Variants in ABLIM1 observed in about 807,000 individuals in gnomAD.
ABLIM1 encodes the protein actin-binding LIM protein 1.
ABLIM1 carries 40 observed loss-of-function variants against 107.0 expected under a neutral mutation model. The observed-to-expected ratio is 0.37, with a 90% CI of 0.29 to 0.49. The LOEUF is 0.49. Ranked by LOEUF, ABLIM1 falls within the 20% of genes least tolerant of loss-of-function variation. The probability of loss-of-function intolerance (pLI) is 0.97; values close to 1 mark genes in which losing one functional copy is unlikely to be tolerated. For synonymous variants in ABLIM1, 357 were observed against 357.3 expected, an observed-to-expected ratio of 1.00 and a Z score of 0.01; for missense variants, 857 against 1,008.5, an observed-to-expected ratio of 0.85 and a Z score of 2.04.
intron 2 of ABLIM1, among the ~76,000 whole-genome samples, chr10:114,585,801 G>A (rs2074122903): frequency 6.6e-6 from 1 of 152,038 alleles, no homozygotes; most frequent in Admixed American, 6.6e-5. Context: ...AGTCCCCCAG[G>A]CCTCTGCATC....
At chr10:114,559,141 A>C (rs1164362076) in intron 4 of ABLIM1, among the ~76,000 whole-genome samples, 1 of 152,106 alleles carries the variant, frequency 6.6e-6, no homozygotes, top group African/African-American at 2.4e-5. Flanking sequence ...ATTTCTGAGG[A>C]TGTCAATATC....
chr10:114,735,532 C>T (rs141594302), intron 1 of ABLIM1, among the ~76,000 whole-genome samples: 1,588 of 152,238 alleles, frequency 0.01, 23 homozygotes, highest in African/African-American at 0.035. Context: ...TGCAGTGGCG[C>T]GATCTCGGCT....
At chr10:114,439,585 T>G (rs1002399288) in intron 20 of ABLIM1, 1 of 403,158 alleles carries the variant, frequency 2.5e-6, no homozygotes, top group Admixed American at 4.3e-5. Flanking sequence ...TTCTATGCAT[T>G]TTTCTTCTTT....
At chr10:114,752,233 G>T (rs554958636) in intron 1 of ABLIM1, among the ~76,000 whole-genome samples, 69 of 152,274 alleles carry the variant, frequency 4.5e-4, no homozygotes, top group African/African-American at 1.3e-3. Flanking sequence ...GTCCCGGAGG[G>T]CACTCTGTTG....
In ABLIM1 at chr10:114,707,355, TC is replaced by T. The variant is rs1486832255; in HGVS notation, c.-213+60705del. On this transcript the variant is annotated intron_variant, in intron 1 of 15. Coordinates refer to the ABLIM1 transcript ENST00000651092. The surrounding 1 kb of genome is among the most constrained non-coding windows in gnomAD (Gnocchi z 4.1). ...TCAAGCGATTCTCCAGCCTCAGCCT[TC>T]CGAGTAGCTGGAACTACAGGCGCAC... Among the ~76,000 whole-genome samples the T allele has an allele frequency of 6.6e-6, 1 of 152,104 alleles. No homozygotes were observed.
At chr10:114,494,392 C>G (rs1423670243) in intron 6 of ABLIM1, among the ~76,000 whole-genome samples, 1 of 152,170 alleles carries the variant, frequency 6.6e-6, no homozygotes, top group African/African-American at 2.4e-5. Flanking sequence ...CAAAATTAGC[C>G]AGGCATGGTG....
At position 114,441,036 on chromosome 10, in the gene ABLIM1, A is replaced by G. The variant is rs1243142288; in HGVS notation, c.2040T>C (p.Asp680=). 1.3e-6 allele frequency: 2 copies of G among 1,591,146 alleles called. No homozygotes were observed. The highest frequency in any genetic ancestry group is 8.6e-7 in the Non-Finnish European group (1 of 1,167,778). ...TDFAQYNSYG[D]VSGGVRDYQT... Reference sequence around the variant, plus strand: ...CCTCACCTCGCACTCCCCCGCTGACATCCCCATAGCTGTTATACTGAGCGA... The same window carrying G: ...CCTCACCTCGCACTCCCCCGCTGACGTCCCCATAGCTGTTATACTGAGCGA... The change falls in exon 19 of 23, where the codon GAT becomes GAC. Residue 680 remains aspartate, a synonymous_variant. Coordinates refer to ENST00000533213, the MANE Select transcript of ABLIM1 (RefSeq NM_002313.7).
At chr10:114,656,638 C>G (rs2079537965) in intron 1 of ABLIM1, among the ~76,000 whole-genome samples, 1 of 152,138 alleles carries the variant, frequency 6.6e-6, no homozygotes, top group Non-Finnish European at 1.5e-5. Context: ...TGCATAGAGG[C>G]ATTATTCATA....
chr10:114,442,719 C>T (rs1389919985), intron 17 of ABLIM1, among the ~76,000 whole-genome samples: 2 of 152,184 alleles, frequency 1.3e-5, no homozygotes. Context: ...TACCAGCCTC[C>T]TGATTTCTAA....
At chr10:114,466,947 T>A (rs948648804) in intron 11 of ABLIM1, among the ~76,000 whole-genome samples, 2 of 151,976 alleles carry the variant, frequency 1.3e-5, no homozygotes. Context: ...TCACCTGAGG[T>A]CAGGAGTTTG....
At chr10:114,722,183 T>C (rs2081862608) in intron 1 of ABLIM1, among the ~76,000 whole-genome samples, 1 of 152,172 alleles carries the variant, frequency 6.6e-6, no homozygotes, top group Non-Finnish European at 1.5e-5. Context: ...AGTTGGCTCA[T>C]GGTTCCATAG....
chr10:114,645,984 G>C (rs2078996518), intron 1 of ABLIM1, among the ~76,000 whole-genome samples: 1 of 152,158 alleles, frequency 6.6e-6, no homozygotes, highest in Admixed American at 6.5e-5. Flanking sequence ...TTCAACCAAA[G>C]ATTGTGCTAG....
At chr10:114,605,538 AG>A (rs144323242) in intron 1 of ABLIM1, among the ~76,000 whole-genome samples, 193 of 152,298 alleles carry the variant, frequency 1.3e-3, no homozygotes, top group African/African-American at 4.5e-3. Flanking sequence ...CTTAGCACTC[AG>A]GCTCCCAGCA....
intron 6 of ABLIM1, among the ~76,000 whole-genome samples, chr10:114,525,947 A>T (rs527379639): frequency 6.6e-6 from 1 of 152,166 alleles, no homozygotes; most frequent in Non-Finnish European, 1.5e-5. Context: ...TTTCCCCCCA[A>T]AAAAAGTCTT....
intron 4 of ABLIM1, among the ~76,000 whole-genome samples, chr10:114,569,878 A>G (rs1008589519): frequency 6.6e-6 from 1 of 152,228 alleles, no homozygotes; most frequent in Non-Finnish European, 1.5e-5. Context: ...CCAAGGATCC[A>G]GTCATGTGTG....
At chr10:114,660,294 A>G (rs1449558004), upstream of ABLIM1, among the ~76,000 whole-genome samples, 5 of 152,218 alleles carry the variant, frequency 3.3e-5, no homozygotes, top group Non-Finnish European at 7.3e-5. Context: ...TGTTCTATCA[A>G]TGTTTCTCAA....
At chr10:114,600,100 T>C (rs1489418351) in intron 2 of ABLIM1, among the ~76,000 whole-genome samples, 1 of 152,122 alleles carries the variant, frequency 6.6e-6, no homozygotes, top group Non-Finnish European at 1.5e-5. Context: ...TATGGTCTAG[T>C]CTCCTTATTT....
intron 12 of ABLIM1, among the ~76,000 whole-genome samples, chr10:114,455,841 C>A (rs1203118909): frequency 1.4e-5 from 2 of 144,216 alleles, no homozygotes; most frequent in Non-Finnish European, 3.0e-5. Context: ...GAGACGGAGT[C>A]TCGCTCTGTC....
chr10:114,520,319 G>A (rs1475409135), intron 6 of ABLIM1, among the ~76,000 whole-genome samples: 5 of 152,090 alleles, frequency 3.3e-5, no homozygotes, highest in Non-Finnish European at 4.4e-5. Flanking sequence ...CACAAACACC[G>A]GTGTCAAGGC....
Sources: gnomAD v4.1 joint callset for allele counts (sites outside exome capture counted in the v4.1 genomes callset) on GRCh38, gnomAD v4.1.1 for gene constraint, Gnocchi (gnomAD v3.1) non-coding constraint, MANE v1.5 for transcripts, NCBI Gene and HGNC (gene_info 2026-07-23, HGNC 2026-07-21) for gene names.